The following PIBF1 variants were observed in gnomAD, a reference collection of about 807,000 sequenced individuals.
The protein encoded by PIBF1 is progesterone-induced-blocking factor 1.
PIBF1 carries 90 observed loss-of-function variants against 112.5 expected under a neutral mutation model. The observed-to-expected ratio is 0.80, with a 90% confidence interval of 0.67 to 0.95. The LOEUF (loss-of-function observed/expected upper bound fraction) is 0.95, where lower values mean the gene tolerates loss of function less well. Ranked by LOEUF, PIBF1 falls within the 40% of genes least tolerant of loss-of-function variation. PIBF1 has a pLI of 0.00. For synonymous variants in PIBF1, 301 were observed against 288.6 expected, an observed-to-expected ratio of 1.04 and a Z score of -0.44; for missense variants, 915 against 852.3, an observed-to-expected ratio of 1.07 and a Z score of -0.92.
chr13:72,993,273 C>G (rs1211078352), intron 16 of PIBF1, among the ~76,000 whole-genome samples: 34 of 151,870 alleles, frequency 2.2e-4, no homozygotes, highest in Admixed American at 2.2e-3. Context: ...TGTAGTAAGC[C>G]AAGATTGTGC....
At chr13:72,842,892 C>T (rs563204126) in intron 9 of PIBF1, among the ~76,000 whole-genome samples, 134 of 152,250 alleles carry the variant, frequency 8.8e-4, no homozygotes, top group African/African-American at 3.1e-3. Flanking sequence ...TTATTGTTAA[C>T]TATATTCTTT....
chr13:72,943,274 T>A (rs182159452), intron 14 of PIBF1, among the ~76,000 whole-genome samples: 9 of 152,124 alleles, frequency 5.9e-5, no homozygotes, highest in African/African-American at 9.6e-5. Context: ...AAGGAATGAG[T>A]TGTAGTGTTT....
chr13:72,827,999 G>C (rs1161833909), intron 8 of PIBF1, 85 bp downstream of exon 8: 4 of 895,076 alleles, frequency 4.5e-6, no homozygotes, highest in Non-Finnish European at 6.4e-6. Context: ...GGAAGATTTA[G>C]TGATTTTTTT....
At chr13:72,862,891 T>C (rs2038757954) in intron 10 of PIBF1, among the ~76,000 whole-genome samples, 1 of 152,180 alleles carries the variant, frequency 6.6e-6, no homozygotes, top group Non-Finnish European at 1.5e-5. Context: ...CTTAATGACC[T>C]TTGTCATTTT....
intron 16 of PIBF1, among the ~76,000 whole-genome samples, chr13:72,987,365 A>C (rs1196869764): frequency 6.6e-6 from 1 of 151,506 alleles, no homozygotes; most frequent in African/African-American, 2.4e-5. Context: ...TGAGTAAGGA[A>C]AACCTAGATT....
At chr13:72,986,626 C>G (rs916438749) in intron 16 of PIBF1, among the ~76,000 whole-genome samples, 17 of 150,756 alleles carry the variant, frequency 1.1e-4, no homozygotes, top group African/African-American at 4.1e-4. Flanking sequence ...TGAGCTCTCA[C>G]TAAGCCTTCA....
chr13:72,959,407 C>T (rs373990993), intron 14 of PIBF1, among the ~76,000 whole-genome samples: 96 of 152,154 alleles, frequency 6.3e-4, no homozygotes, highest in Non-Finnish European at 3.1e-4. Context: ...ATTCCTAGCA[C>T]GATTAAAAAG....
intron 5 of PIBF1, among the ~76,000 whole-genome samples, chr13:72,819,060 C>A (rs570263515): frequency 6.6e-6 from 1 of 152,234 alleles, no homozygotes; most frequent in Admixed American, 6.5e-5. Context: ...CTACTCACAT[C>A]TGCACTCATT....
intron 14 of PIBF1, among the ~76,000 whole-genome samples, chr13:72,932,350 C>A (rs191496980): frequency 1.5e-3 from 231 of 152,196 alleles, no homozygotes; most frequent in African/African-American, 5.4e-3. Flanking sequence ...TATTTGTTTT[C>A]TTAAGGATCT....
chr13:72,973,285 TA>T (rs11369773), intron 15 of PIBF1, among the ~76,000 whole-genome samples: 1 of 134,860 alleles, frequency 7.4e-6, no homozygotes, highest in Admixed American at 8.2e-5. Context: ...TCCATCTCTT[TA>T]AAAAAAAGAG....
At chr13:72,976,786 G>A (rs1455294933) in intron 16 of PIBF1, among the ~76,000 whole-genome samples, 2 of 152,182 alleles carry the variant, frequency 1.3e-5, no homozygotes, top group African/African-American at 4.8e-5. Context: ...AAACAGGATT[G>A]ATTTATTCAC....
At chr13:72,867,272 C>T (rs2038967904) in intron 10 of PIBF1, among the ~76,000 whole-genome samples, 1 of 152,168 alleles carries the variant, frequency 6.6e-6, no homozygotes, top group Non-Finnish European at 1.5e-5. Flanking sequence ...CTTGCTCCTC[C>T]TTGCCTTCAC....
chr13:72,874,001 C>CA (rs1376378542), intron 10 of PIBF1, among the ~76,000 whole-genome samples: 1 of 152,124 alleles, frequency 6.6e-6, no homozygotes, highest in East Asian at 1.9e-4. Flanking sequence ...AGATGCTAAA[C>CA]ATTATTAATC....
At chr13:72,826,940 A>G (rs1193988871) in intron 6 of PIBF1, 70 bp from the exon 7 acceptor site, 7 of 792,924 alleles carry the variant, frequency 8.8e-6, no homozygotes, top group South Asian at 2.2e-5. Context: ...TACATAGTCA[A>G]CCCTTTTAAA....
rs55999445 is a variant in PIBF1, at chr13:72,987,858, A to ATTTTTTTTTTTTTTTTT, written c.2050-10957_2050-10941dup. ...TTGTAATTTATTTATTTATTTATTT[A>ATTTTTTTTTTTTTTTTT]TTTTTTTTTTTTTTTTTTTTTTTGA... is the stretch of plus-strand genomic sequence containing the variant. On this transcript the variant is annotated intron_variant, in intron 16 of 17. Transcript: ENST00000326291. 2.4e-4 allele frequency among the ~76,000 whole-genome samples: 14 copies of ATTTTTTTTTTTTTTTTT among 58,134 alleles called. 1 individual carries two copies. The highest frequency in any genetic ancestry group is 1.3e-3 in the African/African-American group (14 of 10,706). 38.1% of individuals were successfully genotyped at this position (58,134 alleles called of 152,430 possible).
At chr13:72,801,256 T>C (rs1373030481) in intron 5 of PIBF1, among the ~76,000 whole-genome samples, 1 of 152,034 alleles carries the variant, frequency 6.6e-6, no homozygotes, top group Non-Finnish European at 1.5e-5. Context: ...ACAACATGGG[T>C]TTGAACTGTG....
At chr13:72,809,224 T>A (rs1201920695) in intron 5 of PIBF1, among the ~76,000 whole-genome samples, 5 of 151,080 alleles carry the variant, frequency 3.3e-5, no homozygotes, top group African/African-American at 1.2e-4. Context: ...AGCTTTACAT[T>A]TAGTTACCTT....
chr13:72,985,996 A>AT (rs1566519599), intron 16 of PIBF1, among the ~76,000 whole-genome samples: 1 of 151,760 alleles, frequency 6.6e-6, no homozygotes, highest in Non-Finnish European at 1.5e-5. Flanking sequence ...AGAAAAAAAA[A>AT]TTTTTTAAAA....
At chr13:72,886,495 T>A (rs760244782) in intron 10 of PIBF1, among the ~76,000 whole-genome samples, 1 of 151,552 alleles carries the variant, frequency 6.6e-6, no homozygotes, top group Non-Finnish European at 1.5e-5. Flanking sequence ...TTTTATCTCA[T>A]ACATGCTTTT....
Sources: allele counts gnomAD v4.1 joint callset (sites outside exome capture counted in the v4.1 genomes callset), GRCh38; gene constraint gnomAD v4.1.1; transcripts MANE v1.5; gene names NCBI Gene and HGNC (gene_info 2026-07-23, HGNC 2026-07-21).